PRDM11: variants seen among roughly 807,000 people sequenced by gnomAD.
PRDM11 encodes PR domain-containing protein 11.
Under a neutral mutation model 97.8 loss-of-function variants are expected in PRDM11, and 20 were observed. The ratio of observed to expected loss-of-function variants is 0.20; its 90% CI spans 0.14 to 0.30. The LOEUF (loss-of-function observed/expected upper bound fraction) is 0.30, where lower values mean the gene tolerates loss of function less well. Among genes scored for constraint, PRDM11 ranks in the 10% least tolerant of loss-of-function variants. PRDM11 has a pLI of 1.00. For missense variants in PRDM11, 1,139 were observed against 1,555.2 expected, an observed-to-expected ratio of 0.73 and a Z score of 4.50; for synonymous variants, 599 against 637.7, an observed-to-expected ratio of 0.94 and a Z score of 0.91.
chr11:45,181,034 C>G (rs562194487), intron 1 of PRDM11, among the ~76,000 whole-genome samples: 13 of 152,302 alleles, frequency 8.5e-5, no homozygotes, highest in African/African-American at 2.9e-4. Flanking sequence ...CGCCGCTCGC[C>G]CAGTCCCAGG....
Position 45,181,903 on chromosome 11 carries a change from G to A in PRDM11, c.119+18G>A, listed in dbSNP as rs760422820. 1 of 1,603,500 alleles carries A rather than the reference G, an allele frequency of 6.2e-7. No individual in the cohort carries two copies. Among genetic ancestry groups the A allele is most frequent in the Non-Finnish European group, 8.5e-7 (1 of 1,173,618 alleles). ...CAGCCCTGGTGAGGCCCCTGTGTGG[G>A]AACTGGAGAGGGAGAAGTGGGAGTG... On this transcript the variant is annotated intron_variant, in intron 2 of 7. Coordinates refer to ENST00000683152, the MANE Select transcript of PRDM11 (RefSeq NM_001384648.1).
intron 1 of PRDM11, among the ~76,000 whole-genome samples, chr11:45,097,813 G>C (rs1206376802): frequency 6.6e-6 from 1 of 152,250 alleles, no homozygotes; most frequent in African/African-American, 2.4e-5. Context: ...ATCTCTGGGT[G>C]ATACACTCAT....
At chr11:45,201,020 G>A (rs377631861) in intron 4 of PRDM11, among the ~76,000 whole-genome samples, 1 of 152,150 alleles carries the variant, frequency 6.6e-6, no homozygotes, top group African/African-American at 2.4e-5. Context: ...GTGAGGCAAT[G>A]TGCCAATTTC....
rs1400866098 is a variant in PRDM11 at position 45,227,095 on chromosome 11, G to A, written c.2470G>A (p.Ala824Thr). 2 of 1,533,980 alleles carry A rather than the reference G, an allele frequency of 1.3e-6. No homozygotes were observed. Among genetic ancestry groups the A allele is most frequent in the Non-Finnish European group, 1.7e-6 (2 of 1,146,742 alleles). Reference sequence around the variant, plus strand: ...GACAGAGTTCCTGGGCGATATCCGGGCAGTGCGGTGGATCATCGGCGAGCA... The same window carrying A: ...GACAGAGTTCCTGGGCGATATCCGGACAGTGCGGTGGATCATCGGCGAGCA... ...EETEFLGDIRAVRWIIGEQNV... is the reference protein window; with the variant it reads ...EETEFLGDIRTVRWIIGEQNV... Residue 824 changes from alanine to threonine, a missense_variant, in exon 8 of 8, where the codon GCA becomes ACA. Coordinates refer to ENST00000683152, the MANE Select transcript of PRDM11 (RefSeq NM_001384648.1). The surrounding 1 kb of genome is among the most constrained non-coding windows in gnomAD (Gnocchi z 8.0).
At chr11:45,094,816 A>C, upstream of PRDM11, among the ~76,000 whole-genome samples, 2 of 97,996 alleles carry the variant, frequency 2.0e-5, no homozygotes, top group Admixed American at 1.0e-4. Flanking sequence ...GAAGGGAGGA[A>C]GGAGAGAAGG....
chr11:45,188,510 C>A (rs934975676), intron 4 of PRDM11, among the ~76,000 whole-genome samples: 1 of 152,222 alleles, frequency 6.6e-6, no homozygotes, highest in African/African-American at 2.4e-5. Flanking sequence ...ACTCATTCTT[C>A]CTGCCCAGCA....
intron 6 of PRDM11, among the ~76,000 whole-genome samples, chr11:45,220,288 G>GTTGA (rs1318616070): frequency 6.6e-6 from 1 of 152,148 alleles, no homozygotes; most frequent in African/African-American, 2.4e-5. Context: ...AATATCTGGT[G>GTTGA]TTGATATATT....
chr11:45,198,320 A>G (rs1853205212), intron 4 of PRDM11, among the ~76,000 whole-genome samples: 1 of 152,182 alleles, frequency 6.6e-6, no homozygotes, highest in Non-Finnish European at 1.5e-5. Context: ...AGTTCAGGTT[A>G]TCTCTATCTC....
chr11:45,141,634 G>A (rs1162102361), intron 1 of PRDM11, among the ~76,000 whole-genome samples: 2 of 152,148 alleles, frequency 1.3e-5, no homozygotes. Context: ...ATGTGGTAAA[G>A]ACATTGCTCC....
rs530667149 is a variant in PRDM11, at chr11:45,136,613, A to T, written c.96+40712A>T. ...TCACAGGAAAGGCTTAGAAATGGCA[A>T]GAACCAGGTCCCTTAGAAGGCCGAG... On this transcript the variant is annotated intron_variant, in intron 1 of 6. Coordinates refer to the PRDM11 transcript ENST00000530656. Among the ~76,000 whole-genome samples, 4 of 152,338 alleles carry T rather than the reference A, an allele frequency of 2.6e-5. No individual in the cohort carries two copies. In the South Asian group the frequency reaches 8.3e-4, roughly 32 times the overall value.
intron 1 of PRDM11, among the ~76,000 whole-genome samples, chr11:45,151,414 A>G (rs138902890): frequency 1.7e-3 from 264 of 152,370 alleles, no homozygotes; most frequent in Admixed American, 5.2e-3. Flanking sequence ...GAAAAGGCCA[A>G]TGTTCACTTA....
At position 45,183,108 on chromosome 11, in the gene PRDM11, C is replaced by T; in HGVS notation, c.471C>T (p.Gly157=). ...GQISTQDKSA[G]FFSWLIVDKN... Reference sequence around the variant, plus strand: ...TCTCCACCCAGGACAAATCAGCTGGCTTCTTCTCCTGGCTGGTGAGTGTGC... The same window carrying T: ...TCTCCACCCAGGACAAATCAGCTGGTTTCTTCTCCTGGCTGGTGAGTGTGC... Residue 157 remains glycine (G), a synonymous_variant, in exon 4 of 8, where the codon GGC becomes GGT. Transcript: ENST00000683152. 1.2e-6 allele frequency: 2 copies of T among 1,613,008 alleles called. No homozygotes were observed. The highest frequency in any genetic ancestry group is 8.5e-7 in the Non-Finnish European group (1 of 1,179,478).
Position 45,125,165 on chromosome 11 carries a change from T to G in PRDM11, c.96+29264T>G, listed in dbSNP as rs1215810335. ...GTATTCTCTGATGGTAGTTTGTATTTCTGTGGGATCGGTGGTGATATCCCC... is the reference window on the plus strand; with the variant it reads ...GTATTCTCTGATGGTAGTTTGTATTGCTGTGGGATCGGTGGTGATATCCCC... On this transcript the variant is annotated intron_variant, in intron 1 of 6. Transcript: ENST00000530656. Among the ~76,000 whole-genome samples the G allele has an allele frequency of 3.9e-5, 6 of 152,132 alleles. No individual in the cohort carries two copies. The East Asian group carries it at 1.2e-3, about 29-fold the overall frequency.
chr11:45,164,560 C>T (rs1168849726), intron 1 of PRDM11, among the ~76,000 whole-genome samples: 1 of 152,236 alleles, frequency 6.6e-6, no homozygotes, highest in Non-Finnish European at 1.5e-5. Context: ...CTTGCAGGTT[C>T]TTGGGAGGGC....
chr11:45,223,526 C>T (rs1012854262), intron 6 of PRDM11, among the ~76,000 whole-genome samples: 5 of 152,136 alleles, frequency 3.3e-5, no homozygotes, highest in African/African-American at 9.7e-5. Context: ...TTTATCTTGT[C>T]GGAGGCTGCC....
chr11:45,175,856 T>C (rs1177078712), intron 1 of PRDM11, among the ~76,000 whole-genome samples: 1 of 152,216 alleles, frequency 6.6e-6, no homozygotes, highest in Non-Finnish European at 1.5e-5. Flanking sequence ...CTTTGCCAAT[T>C]TATTAGAGGA....
chr11:45,209,355 C>A, intron 5 of PRDM11: 1 of 351,564 alleles, frequency 2.8e-6, no homozygotes. Context: ...GCTTACAGTC[C>A]ACAGTCTCCC....
chr11:45,183,787 A>C (rs1314995635), intron 4 of PRDM11, among the ~76,000 whole-genome samples: 2 of 152,208 alleles, frequency 1.3e-5, no homozygotes, highest in East Asian at 3.9e-4. Flanking sequence ...AATAGAGAAA[A>C]GCATTCTAGA....
chr11:45,212,132 G>A (rs891428030), intron 5 of PRDM11, among the ~76,000 whole-genome samples: 8 of 152,356 alleles, frequency 5.3e-5, no homozygotes, highest in Admixed American at 6.5e-5. Context: ...TGCAGAAAGT[G>A]AGGTGCAGAG....
Sources: allele counts gnomAD v4.1 joint callset (sites outside exome capture counted in the v4.1 genomes callset), GRCh38; gene constraint gnomAD v4.1.1; non-coding constraint Gnocchi (gnomAD v3.1); transcripts MANE v1.5; gene names NCBI Gene and HGNC (gene_info 2026-07-23, HGNC 2026-07-21).